The following GRM5 variants were observed in gnomAD, a reference collection of about 807,000 sequenced individuals.
GRM5 encodes glutamate metabotropic receptor 5.
Under a neutral mutation model 83.1 loss-of-function variants are expected in GRM5, and 19 were observed. The observed-to-expected ratio is 0.23, with a 90% CI of 0.16 to 0.34. GRM5 has a LOEUF of 0.34. Among genes scored for constraint, GRM5 ranks in the 10% least tolerant of loss-of-function variants. The pLI is 1.00. For missense variants in GRM5, 1,160 were observed against 1,588.3 expected, an observed-to-expected ratio of 0.73 and a Z score of 4.58; for synonymous variants, 675 against 633.6, an observed-to-expected ratio of 1.07 and a Z score of -0.98.
chr11:88,624,732 A>C (rs1938742668), intron 4 of GRM5, among the ~76,000 whole-genome samples: 3 of 152,202 alleles, frequency 2.0e-5, no homozygotes, highest in Non-Finnish European at 2.9e-5. Flanking sequence ...CTTATTGCAG[A>C]AAATTTGCTA....
intron 2 of GRM5, among the ~76,000 whole-genome samples, chr11:89,038,836 T>C (rs1941456087): frequency 6.6e-6 from 1 of 152,122 alleles, no homozygotes; most frequent in Admixed American, 6.5e-5. Context: ...TTCAAAGGAG[T>C]TGGCTTTGGA....
At chr11:89,033,322 C>A (rs1473766118) in intron 2 of GRM5, among the ~76,000 whole-genome samples, 1 of 151,718 alleles carries the variant, frequency 6.6e-6, no homozygotes, top group Non-Finnish European at 1.5e-5. Context: ...TTTCCACTGA[C>A]CTTGAAACCA....
rs56894219 is a variant in GRM5, at chr11:89,064,941, G to GAGAGAGAGA, written c.-201+834_-201+835insTCTCTCTCT. Among the ~76,000 whole-genome samples the GAGAGAGAGA allele has an allele frequency of 9.5e-4, 35 of 36,960 alleles. 2 individuals carry two copies. Among genetic ancestry groups the GAGAGAGAGA allele is most frequent in the South Asian group, 3.0e-3 (2 of 662 alleles). 24.2% of individuals were successfully genotyped at this position (36,960 alleles called of 152,430 possible). On this transcript the variant is annotated intron_variant, in intron 1 of 9. Coordinates refer to ENST00000305447, the MANE Select transcript of GRM5 (RefSeq NM_001143831.3). ...GAGAGAGAGAGAGAGAGAGAGAGAG[G>GAGAGAGAGA]GAGAGAGAGATATTATTTTTGCCAA...
At chr11:89,046,344 T>C (rs1941641771) in intron 2 of GRM5, among the ~76,000 whole-genome samples, 1 of 152,198 alleles carries the variant, frequency 6.6e-6, no homozygotes, top group Admixed American at 6.6e-5. Context: ...TTGTATCTTC[T>C]TCAGTATTCT....
intron 1 of GRM5, among the ~76,000 whole-genome samples, chr11:89,052,037 C>T (rs1941772190): frequency 6.6e-6 from 1 of 152,174 alleles, no homozygotes; most frequent in Non-Finnish European, 1.5e-5. Flanking sequence ...TCTAGTTTGA[C>T]AGCCTAGTGC....
chr11:89,013,659 A>G (rs1374270332), intron 2 of GRM5, among the ~76,000 whole-genome samples: 2 of 152,174 alleles, frequency 1.3e-5, no homozygotes, highest in Non-Finnish European at 2.9e-5. Flanking sequence ...ATAGTTGTAA[A>G]CTGTCAAAGC....
intron 2 of GRM5, among the ~76,000 whole-genome samples, chr11:89,001,273 T>A (rs1433433476): frequency 1.3e-5 from 2 of 152,182 alleles, no homozygotes; most frequent in South Asian, 4.1e-4. Flanking sequence ...AGTGCTAGAA[T>A]GTTCACAGCA....
intron 5 of GRM5, among the ~76,000 whole-genome samples, chr11:88,597,900 G>A (rs553084303): frequency 6.6e-6 from 1 of 152,066 alleles, no homozygotes; most frequent in African/African-American, 2.4e-5. Flanking sequence ...AGCTTCTAAA[G>A]CACCTCATGC....
intron 2 of GRM5, among the ~76,000 whole-genome samples, chr11:89,029,212 G>T (rs180776320): frequency 5.2e-4 from 79 of 152,216 alleles, no homozygotes; most frequent in Middle Eastern, 3.4e-3. Flanking sequence ...AAACATTACA[G>T]AATTTGTAAC....
At chr11:88,710,947 T>C (rs1056046327) in intron 3 of GRM5, among the ~76,000 whole-genome samples, 3 of 152,088 alleles carry the variant, frequency 2.0e-5, no homozygotes, top group South Asian at 2.1e-4. Context: ...TTTATAAAAC[T>C]GGTATTTATC....
At chr11:88,991,217 C>T (rs1460315831) in intron 2 of GRM5, among the ~76,000 whole-genome samples, 2 of 151,990 alleles carry the variant, frequency 1.3e-5, no homozygotes, top group Admixed American at 6.6e-5. Flanking sequence ...TATACACCAA[C>T]AACAGACAAA....
chr11:89,029,880 G>C (rs936073162), intron 2 of GRM5, among the ~76,000 whole-genome samples: 48 of 152,266 alleles, frequency 3.2e-4, no homozygotes, highest in Admixed American at 2.9e-3. Flanking sequence ...GGTTTCCAGG[G>C]AAACAGTGCC....
intron 3 of GRM5, among the ~76,000 whole-genome samples, chr11:88,684,092 G>T (rs1442156772): frequency 1.3e-5 from 2 of 152,166 alleles, no homozygotes; most frequent in African/African-American, 4.8e-5. Flanking sequence ...CACAATGAAT[G>T]AAGAGGCTTT....
chr11:88,701,681 T>A (rs764208806), intron 3 of GRM5, among the ~76,000 whole-genome samples: 20 of 152,114 alleles, frequency 1.3e-4, no homozygotes, highest in Non-Finnish European at 2.8e-4. Flanking sequence ...TACATGGAGG[T>A]TACATTGGTT....
intron 3 of GRM5, among the ~76,000 whole-genome samples, chr11:88,714,923 G>A (rs1457687606): frequency 6.6e-6 from 1 of 151,552 alleles, no homozygotes; most frequent in Non-Finnish European, 1.5e-5. Flanking sequence ...ACCTCTGACT[G>A]AGTTTTCTTC....
chr11:88,890,462 A>G (rs1268634130), intron 2 of GRM5, among the ~76,000 whole-genome samples: 1 of 152,146 alleles, frequency 6.6e-6, no homozygotes, highest in East Asian at 1.9e-4. Context: ...GTGTTGCTAT[A>G]TATGTGTTGT....
At chr11:88,782,920 G>A (rs72643322) in intron 3 of GRM5, among the ~76,000 whole-genome samples, 12,505 of 151,812 alleles carry the variant, frequency 0.082, 920 homozygotes, top group African/African-American at 0.21. Context: ...CTTTTATCCC[G>A]GCAACAAATG....
Position 89,003,811 on chromosome 11 carries a change from G to A in GRM5, c.661+43401C>T, listed in dbSNP as rs530247194. Reference sequence around the variant, plus strand: ...AAGTAAAGCCAGTCAGTAGTGTTTTGTGTTTGATCCAGCCCTGTTGAGTGG... The same window carrying A: ...AAGTAAAGCCAGTCAGTAGTGTTTTATGTTTGATCCAGCCCTGTTGAGTGG... On this transcript the variant is annotated intron_variant, in intron 2 of 9. Transcript: ENST00000305447. Among the ~76,000 whole-genome samples the A allele has an allele frequency of 5.9e-5, 9 of 152,292 alleles. No homozygotes were observed. The South Asian group carries it at 1.7e-3, about 28-fold the overall frequency.
chr11:88,749,211 G>A (rs1465205829), intron 3 of GRM5, among the ~76,000 whole-genome samples: 13 of 152,214 alleles, frequency 8.5e-5, no homozygotes, highest in Admixed American at 7.2e-4. Context: ...AACAATAAAG[G>A]AGCTGATAGC....
Sources: gnomAD v4.1 joint callset for allele counts (sites outside exome capture counted in the v4.1 genomes callset) on GRCh38, gnomAD v4.1.1 for gene constraint, MANE v1.5 for transcripts, NCBI Gene and HGNC (gene_info 2026-07-23, HGNC 2026-07-21) for gene names.